The following SYT1 variants were observed in gnomAD, a reference collection of about 807,000 sequenced individuals.
SYT1 encodes the protein synaptotagmin 1, also known as synaptotagmin-1.
In SYT1, 8 loss-of-function variants were observed where a neutral mutation model predicts 44.8. That is an observed-to-expected ratio of 0.18 (90% confidence interval 0.10 to 0.32). SYT1 has a LOEUF of 0.32. Ranked by LOEUF, SYT1 falls within the 10% of genes least tolerant of loss-of-function variation. The probability of loss-of-function intolerance (pLI) is 1.00; values close to 1 mark genes in which losing one functional copy is unlikely to be tolerated. For synonymous variants in SYT1, 154 were observed against 188.8 expected (o/e 0.82, Z 1.51); for missense variants, 286 against 509.3 (o/e 0.56, Z 4.22).
intron 1 of SYT1, among the ~76,000 whole-genome samples, chr12:78,900,888 T>C (rs1055997723): frequency 1.3e-5 from 2 of 152,178 alleles, no homozygotes; most frequent in African/African-American, 4.8e-5. Context: ...AAAATGCATG[T>C]AATTTTTAAT....
intron 8 of SYT1, among the ~76,000 whole-genome samples, chr12:79,314,597 T>A (rs895303577): frequency 1.3e-5 from 2 of 152,188 alleles, no homozygotes; most frequent in African/African-American, 4.8e-5. Flanking sequence ...GTGAAAAAAT[T>A]GGAATTCTTA....
chr12:79,219,481 T>C (rs1467674310), intron 4 of SYT1, among the ~76,000 whole-genome samples: 1 of 152,110 alleles, frequency 6.6e-6, no homozygotes. Context: ...TAATTTTGAA[T>C]CTTATATTTA....
At chr12:79,384,794 G>A (rs372999278) in intron 9 of SYT1, among the ~76,000 whole-genome samples, 17 of 152,124 alleles carry the variant, frequency 1.1e-4, no homozygotes, top group Admixed American at 4.6e-4. Flanking sequence ...GTGAAAAAAC[G>A]TCATCACTTA....
chr12:79,073,512 C>T (rs1434675246), intron 3 of SYT1, among the ~76,000 whole-genome samples: 1 of 152,046 alleles, frequency 6.6e-6, no homozygotes, highest in East Asian at 1.9e-4. Context: ...ATGACCTCTC[C>T]AATAATGAAG....
At chr12:78,902,054 G>A (rs1036941967) in intron 1 of SYT1, among the ~76,000 whole-genome samples, 2 of 151,936 alleles carry the variant, frequency 1.3e-5, no homozygotes, top group Non-Finnish European at 1.5e-5. Flanking sequence ...GGGATGGGAG[G>A]GAGGGATAGC....
intron 8 of SYT1, among the ~76,000 whole-genome samples, chr12:79,336,174 A>T (rs561011027): frequency 6.6e-6 from 1 of 152,262 alleles, no homozygotes; most frequent in African/African-American, 2.4e-5. Context: ...TGTGGATTTG[A>T]ATTACTGCAA....
intron 2 of SYT1, among the ~76,000 whole-genome samples, chr12:79,001,733 T>A (rs1246480616): frequency 6.6e-6 from 1 of 152,190 alleles, no homozygotes; most frequent in African/African-American, 2.4e-5. Flanking sequence ...AAGTGTGTTT[T>A]TCTGGTGATA....
intron 9 of SYT1, among the ~76,000 whole-genome samples, chr12:79,406,920 C>G (rs905019714): frequency 1.3e-5 from 2 of 152,014 alleles, no homozygotes; most frequent in African/African-American, 4.8e-5. Context: ...TAGAGGTGAA[C>G]TACCCTGCTT....
At chr12:78,931,955 A>T (rs1210074563) in intron 1 of SYT1, among the ~76,000 whole-genome samples, 1 of 147,076 alleles carries the variant, frequency 6.8e-6, no homozygotes, top group East Asian at 2.1e-4. Context: ...TTTCTACAAG[A>T]ATCTTTAAAC....
intron 3 of SYT1, among the ~76,000 whole-genome samples, chr12:79,086,220 A>T (rs538916355): frequency 1.3e-5 from 2 of 152,202 alleles, no homozygotes; most frequent in South Asian, 4.1e-4. Context: ...GATCAAATAC[A>T]TGAGAAAAAC....
At chr12:78,978,331 T>C (rs1307101384) in intron 2 of SYT1, among the ~76,000 whole-genome samples, 1 of 152,184 alleles carries the variant, frequency 6.6e-6, no homozygotes, top group Non-Finnish European at 1.5e-5. Flanking sequence ...TGTGGCCTGC[T>C]GCACAGATGA....
chr12:79,283,608 G>T (rs186034756), intron 4 of SYT1, among the ~76,000 whole-genome samples: 4 of 152,130 alleles, frequency 2.6e-5, no homozygotes, highest in Admixed American at 2.6e-4. Flanking sequence ...TGTCTTTCCC[G>T]CAATGAATAC....
rs577595662 is a variant in SYT1 at position 79,450,932 on chromosome 12, G to A, written c.*1808G>A. On this transcript the variant is annotated 3_prime_UTR_variant, in exon 11 of 11. Coordinates refer to ENST00000261205, the MANE Select transcript of SYT1 (RefSeq NM_005639.3). ...TTCTGTGATCCATTTTAATTTCCAG[G>A]CCACAAGACAGTAGTGATGCTCTGA... 2.6e-5 allele frequency: 4 copies of A among 152,646 alleles called. No individual in the cohort carries two copies. The highest frequency in any genetic ancestry group is 2.6e-4 in the Admixed American group (4 of 15,284). The allele number at this position is 152,646 out of a possible 1,614,324, so 9.5% of individuals were successfully genotyped here.
At chr12:79,352,915 AC>A (rs1882969705) in intron 8 of SYT1, among the ~76,000 whole-genome samples, 1 of 152,166 alleles carries the variant, frequency 6.6e-6, no homozygotes, top group East Asian at 1.9e-4. Context: ...TAAAAGTTAG[AC>A]CTCACTTAAG....
At chr12:79,006,939 A>C (rs907756190) in intron 2 of SYT1, among the ~76,000 whole-genome samples, 1 of 152,046 alleles carries the variant, frequency 6.6e-6, no homozygotes, top group African/African-American at 2.4e-5. Flanking sequence ...TTGCTTTGTA[A>C]ATTTTTTCCA....
intron 3 of SYT1, among the ~76,000 whole-genome samples, chr12:79,077,756 T>C (rs1876754405): frequency 6.6e-6 from 1 of 152,186 alleles, no homozygotes; most frequent in South Asian, 2.1e-4. Context: ...TGAAGGGAAC[T>C]ATGAAAAGCT....
intron 4 of SYT1, among the ~76,000 whole-genome samples, chr12:79,224,370 T>C (rs1337923796): frequency 6.6e-6 from 1 of 152,126 alleles, no homozygotes; most frequent in Non-Finnish European, 1.5e-5. Flanking sequence ...AAAAATATAA[T>C]AGTGTAAATG....
intron 3 of SYT1, among the ~76,000 whole-genome samples, chr12:79,154,683 C>A (rs1217137293): frequency 6.6e-6 from 1 of 152,040 alleles, no homozygotes; most frequent in Non-Finnish European, 1.5e-5. Context: ...ATGAGGACCA[C>A]ATAGTAACAA....
At chr12:79,272,723 G>C (rs558184954) in intron 4 of SYT1, among the ~76,000 whole-genome samples, 3 of 152,276 alleles carry the variant, frequency 2.0e-5, no homozygotes, top group African/African-American at 7.2e-5. Context: ...AGATAACCAA[G>C]GGGCTGAGAA....
Sources: allele counts gnomAD v4.1 joint callset (sites outside exome capture counted in the v4.1 genomes callset), GRCh38; gene constraint gnomAD v4.1.1; transcripts MANE v1.5; gene names NCBI Gene and HGNC (gene_info 2026-07-23, HGNC 2026-07-21).